Variants in USP25 observed in about 807,000 individuals in gnomAD.
The protein encoded by USP25 is ubiquitin specific peptidase 25.
Under a neutral mutation model 158.5 loss-of-function variants are expected in USP25, and 85 were observed. The observed-to-expected ratio is 0.54, with a 90% CI of 0.45 to 0.64. The LOEUF is 0.64. USP25 is among the 30% of genes least tolerant of loss of function. The pLI is 0.00. For synonymous variants in USP25, 464 were observed against 460.4 expected (o/e 1.01, Z -0.10); for missense variants, 1,242 against 1,327.3 (o/e 0.94, Z 1.00).
intron 1 of USP25, among the ~76,000 whole-genome samples, chr21:15,742,608 C>T (rs867390765): frequency 3.9e-5 from 6 of 152,052 alleles, no homozygotes; most frequent in Admixed American, 6.6e-5. Context: ...CTTTGGAGAA[C>T]GGCTTTGGAG....
chr21:15,761,430 T>C (rs1485547589), intron 1 of USP25, among the ~76,000 whole-genome samples: 1 of 152,120 alleles, frequency 6.6e-6, no homozygotes, highest in Non-Finnish European at 1.5e-5. Context: ...AGTCTCCCAA[T>C]AGATAGAAAC....
chr21:15,788,196 A>T (rs1263589945), intron 4 of USP25, among the ~76,000 whole-genome samples: 1 of 151,776 alleles, frequency 6.6e-6, no homozygotes, highest in Non-Finnish European at 1.5e-5. Context: ...ACCAGCTGGT[A>T]ATACCTGGAT....
Position 15,805,177 on chromosome 21 carries a change from TG to T in USP25, c.701del (p.Gly234ValfsTer30). On this transcript the variant is annotated frameshift_variant, in exon 7 of 26. Coordinates refer to ENST00000400183, the MANE Select transcript of USP25 (RefSeq NM_001283041.3). LOFTEE classifies it high-confidence loss of function. ...TGAGGTATCTATTTGCACTTCTTGT[TG>T]GTACCAAAAGGAAGTATGTTGATCC... ...ELRYLFALLV[G>X]TKRKYVDPSR... 6.2e-7 allele frequency: 1 copy of T among 1,610,074 alleles called. No individual in the cohort carries two copies. Among genetic ancestry groups the T allele is most frequent in the Non-Finnish European group, 8.5e-7 (1 of 1,178,416 alleles).
chr21:15,859,351 C>G (rs1045616803), intron 20 of USP25, among the ~76,000 whole-genome samples: 4 of 151,948 alleles, frequency 2.6e-5, no homozygotes, highest in African/African-American at 9.7e-5. Context: ...CGCCACCACG[C>G]CTGGCTAAGT....
At chr21:15,841,591 T>A (rs1310790317) in intron 17 of USP25, among the ~76,000 whole-genome samples, 4 of 152,088 alleles carry the variant, frequency 2.6e-5, no homozygotes, top group African/African-American at 4.8e-5. Context: ...ATAGGTCACT[T>A]TAGGTCACAT....
rs576256080 is a variant in USP25 at position 15,738,011 on chromosome 21, C to G, written c.45+7573C>G. Among the ~76,000 whole-genome samples, 264 of 152,136 alleles carry G rather than the reference C, an allele frequency of 1.7e-3. 2 individuals are homozygous for G. The highest frequency in any genetic ancestry group is 5.9e-3 in the African/African-American group (246 of 41,512). On this transcript the variant is annotated intron_variant, in intron 1 of 25. Transcript: ENST00000400183. ...ATTGTGGAGCATTTCTTATTTCTGG[C>G]TTGGAGTTTTGGGATGTGCAACCTG...
rs116442846 is a variant in USP25, at chr21:15,817,565, A to G, written c.932-1133A>G. On this transcript the variant is annotated intron_variant, in intron 9 of 25. Coordinates refer to ENST00000400183, the MANE Select transcript of USP25 (RefSeq NM_001283041.3). ...CATACCCGAGACCGGGCAATTTGCA[A>G]AAGAAAGAGGTTTAATGGACTCACA... is the stretch of plus-strand genomic sequence containing the variant. Among the ~76,000 whole-genome samples, 234 of 152,214 alleles carry G rather than the reference A, an allele frequency of 1.5e-3. 3 individuals carry two copies. Among genetic ancestry groups the G allele is most frequent in the African/African-American group, 5.3e-3 (220 of 41,518 alleles).
intron 11 of USP25, among the ~76,000 whole-genome samples, chr21:15,824,570 CT>C (rs2037400910): frequency 6.6e-6 from 1 of 151,600 alleles, no homozygotes; most frequent in Non-Finnish European, 1.5e-5. Flanking sequence ...TCCTGTCTTT[CT>C]TTCTTTTGTT....
In USP25 at chr21:15,808,982, T is replaced by C. The variant is rs556317397; in HGVS notation, c.857+97T>C. 91 of 869,096 alleles carry C rather than the reference T, an allele frequency of 1.0e-4. No homozygotes were observed. The African/African-American group carries it at 1.4e-3, about 13-fold the overall frequency. 53.8% of individuals were successfully genotyped at this position (869,096 alleles called of 1,614,324 possible). A position where few individuals can be genotyped will look rare whatever the true frequency, so the allele number is the denominator to read the frequency against. On this transcript the variant is annotated intron_variant, in intron 8 of 25. Coordinates refer to ENST00000400183, the MANE Select transcript of USP25 (RefSeq NM_001283041.3). ...GAAATAAGAAATCAAGACAGACTTA[T>C]GGGAATCCCAGTATTTTCTGTATTA...
At chr21:15,748,383 A>C (rs1600798655) in intron 1 of USP25, among the ~76,000 whole-genome samples, 1 of 149,516 alleles carries the variant, frequency 6.7e-6, no homozygotes, top group South Asian at 2.1e-4. Context: ...CTGGACCCAC[A>C]CTATCCTCCC....
Position 15,730,340 on chromosome 21 carries a change from A to AGGCGCGAGGAGCCG in USP25, c.-48_-35dup. 1 of 1,115,506 alleles carries AGGCGCGAGGAGCCG rather than the reference A, an allele frequency of 9.0e-7. No individual in the cohort carries two copies. The highest frequency in any genetic ancestry group is 5.2e-5 in the Admixed American group (1 of 19,308). 69.1% of individuals were successfully genotyped at this position (1,115,506 alleles called of 1,614,324 possible). ...GGAGCGCGGCAGCCAGGGCCGGCGG[A>AGGCGCGAGGAGCCG]GGCGCGAGGAGCCGGGCGCCACCGC... On this transcript the variant is annotated 5_prime_UTR_variant, in exon 1 of 26. Transcript: ENST00000400183.
intron 10 of USP25, among the ~76,000 whole-genome samples, chr21:15,823,536 A>G (rs2146348614): frequency 6.6e-6 from 1 of 152,244 alleles, no homozygotes; most frequent in African/African-American, 2.4e-5. Flanking sequence ...AATCCAGCAG[A>G]GGAGCTAAAG....
intron 4 of USP25, among the ~76,000 whole-genome samples, chr21:15,789,115 G>T (rs562264809): frequency 6.6e-6 from 1 of 152,030 alleles, no homozygotes; most frequent in African/African-American, 2.4e-5. Context: ...AGTCCTGTGT[G>T]GGGAGAGAGA....
At chr21:15,802,058 G>T (rs1408388788) in intron 6 of USP25, among the ~76,000 whole-genome samples, 2 of 151,354 alleles carry the variant, frequency 1.3e-5, no homozygotes, top group Non-Finnish European at 3.0e-5. Context: ...TATACATTTG[G>T]TTTAAAATGT....
In USP25 at chr21:15,799,824, A is replaced by G; in HGVS notation, c.623A>G (p.Asp208Gly). 6.2e-7 allele frequency: 1 copy of G among 1,603,918 alleles called. No individual in the cohort carries two copies. The highest frequency in any genetic ancestry group is 8.5e-7 in the Non-Finnish European group (1 of 1,174,098). The change falls in exon 6 of 26, where the codon GAT becomes GGT. Residue 208 changes from aspartate (D) to glycine (G), a missense_variant. Coordinates refer to ENST00000400183, the MANE Select transcript of USP25 (RefSeq NM_001283041.3). ...LNYKPPSNAQ[D>G]LPRNQKEHRN... ...TACAAGCCTCCATCAAATGCTCAAG[A>G]TTTACCCCGAAACCAAAAGGTAAAA...
In USP25 at chr21:15,764,683, A is replaced by G. The variant is rs187086783; in HGVS notation, c.124-1314A>G. Among the ~76,000 whole-genome samples, 60 of 152,270 alleles carry G rather than the reference A, an allele frequency of 3.9e-4. No individual in the cohort carries two copies. The East Asian group carries it at 0.011, about 28-fold the overall frequency. ...TTAGCACATTTCTTGGCATATAGTA[A>G]GTGCTCAATAAATGTTAGCCATCAT... On this transcript the variant is annotated intron_variant, in intron 2 of 25. Transcript: ENST00000400183.
In USP25 at chr21:15,794,538, C is replaced by T. The variant is rs922456842; in HGVS notation, c.555+2874C>T. On this transcript the variant is annotated intron_variant, in intron 5 of 25. Transcript: ENST00000400183. ...TCTTCTCTGTAGCTCTGGGACATGT[C>T]GTTGAAGTGGTATGGGTGCTCATGA... Among the ~76,000 whole-genome samples, 8 of 151,542 alleles carry T rather than the reference C, an allele frequency of 5.3e-5. No individual in the cohort carries two copies. The South Asian group carries it at 8.3e-4, about 16-fold the overall frequency.
chr21:15,842,369 G>A (rs751888968), intron 17 of USP25, 29 bp from the exon 18 acceptor site: 9 of 1,607,354 alleles, frequency 5.6e-6, no homozygotes, highest in Non-Finnish European at 7.6e-6. Flanking sequence ...GTTTATATTA[G>A]ATATATAATT....
chr21:15,761,313 G>A (rs2033711128), intron 1 of USP25, among the ~76,000 whole-genome samples: 1 of 152,184 alleles, frequency 6.6e-6, no homozygotes, highest in Admixed American at 6.5e-5. Context: ...CAGGGCAGAA[G>A]GGGGCCTCCC....
Sources: gnomAD v4.1 joint callset for allele counts (sites outside exome capture counted in the v4.1 genomes callset) on GRCh38, gnomAD v4.1.1 for gene constraint, MANE v1.5 for transcripts, NCBI Gene and HGNC (gene_info 2026-07-23, HGNC 2026-07-21) for gene names.